TGFBRAP1: variants seen among roughly 807,000 people sequenced by gnomAD.
The protein encoded by TGFBRAP1 is transforming growth factor beta receptor associated protein 1.
Under a neutral mutation model 83.2 loss-of-function variants are expected in TGFBRAP1, and 20 were observed. The ratio of observed to expected loss-of-function variants is 0.24; its 90% CI spans 0.17 to 0.35. The LOEUF (loss-of-function observed/expected upper bound fraction) is 0.35, where lower values mean the gene tolerates loss of function less well. Among genes scored for constraint, TGFBRAP1 ranks in the 10% least tolerant of loss-of-function variants. TGFBRAP1 has a pLI of 1.00. For missense variants in TGFBRAP1, 950 were observed against 1,099.4 expected (o/e 0.86, Z 1.92); for synonymous variants, 415 against 459.8 (o/e 0.90, Z 1.25).
chr2:105,282,150 G>A (rs1252876578), intron 5 of TGFBRAP1, among the ~76,000 whole-genome samples: 2 of 152,214 alleles, frequency 1.3e-5, no homozygotes, highest in Non-Finnish European at 2.9e-5. Flanking sequence ...CTGTGCTGCA[G>A]GAAAGGCACA....
At chr2:105,275,909 A>G (rs886401684) in intron 7 of TGFBRAP1, among the ~76,000 whole-genome samples, 9 of 150,756 alleles carry the variant, frequency 6.0e-5, no homozygotes, top group African/African-American at 1.9e-4. Context: ...CCAAGAAATA[A>G]AAAAAAAAAT....
At chr2:105,294,310 GTGT>G (rs1421807336) in intron 4 of TGFBRAP1, among the ~76,000 whole-genome samples, 9 of 104,524 alleles carry the variant, frequency 8.6e-5, no homozygotes, top group Admixed American at 1.1e-4. Flanking sequence ...GAGTGAGGGT[GTGT>G]GTGTGTGTGT....
At chr2:105,270,985 G>A (rs1469219811) in intron 10 of TGFBRAP1, among the ~76,000 whole-genome samples, 1 of 152,238 alleles carries the variant, frequency 6.6e-6, no homozygotes, top group East Asian at 1.9e-4. Flanking sequence ...CAAAATCAGT[G>A]TTTGGATTTC....
Position 105,290,616 on chromosome 2 carries a change from AGTGTGTGTGT to A in TGFBRAP1, c.1038+5730_1038+5739del, listed in dbSNP as rs3060065. Among the ~76,000 whole-genome samples the A allele has an allele frequency of 1.4e-4, 19 of 140,096 alleles. 1 individual carries two copies. The South Asian group carries it at 1.5e-3, about 11-fold the overall frequency. The allele number at this position is 140,096 out of a possible 152,430, so 91.9% of individuals were successfully genotyped here. A position where few individuals can be genotyped will look rare whatever the true frequency, so the allele number is the denominator to read the frequency against. The stretch of plus-strand genomic sequence containing the variant: ...GAGAGAAAGAGAGAAACAGAGAGAC[AGTGTGTGTGT>A]GTGTGTGTGTGTGTGTGTGTGTGTG... On this transcript the variant is annotated intron_variant, in intron 4 of 11. Transcript: ENST00000393359.
intron 4 of TGFBRAP1, among the ~76,000 whole-genome samples, chr2:105,294,822 A>G (rs1678027649): frequency 6.6e-6 from 1 of 152,234 alleles, no homozygotes; most frequent in African/African-American, 2.4e-5. Context: ...AAGCCTCTGT[A>G]AGAAAATGCT....
At chr2:105,295,767 C>T (rs1443977992) in intron 4 of TGFBRAP1, among the ~76,000 whole-genome samples, 1 of 141,230 alleles carries the variant, frequency 7.1e-6, no homozygotes, top group Non-Finnish European at 1.5e-5. Context: ...GCCGAGATCG[C>T]GTCACTGCAC....
chr2:105,296,236 A>G, intron 4 of TGFBRAP1, 120 bp downstream of exon 4: 1 of 1,219,948 alleles, frequency 8.2e-7, no homozygotes, highest in Non-Finnish European at 1.1e-6. Context: ...ATTAAACAAC[A>G]GATATAAAAG....
At chr2:105,260,899 G>A (rs1268069877), downstream of TGFBRAP1, among the ~76,000 whole-genome samples, 3 of 152,118 alleles carry the variant, frequency 2.0e-5, no homozygotes, top group Non-Finnish European at 4.4e-5. Flanking sequence ...TTCTGACTAT[G>A]TTTACTCATA....
the TGFBRAP1 span, among the ~76,000 whole-genome samples, chr2:105,252,985 A>C: frequency 1.3e-5 from 2 of 151,826 alleles, no homozygotes; most frequent in African/African-American, 4.8e-5. Context: ...CGATCTCCTG[A>C]CCTCGTGATC....
intron 2 of TGFBRAP1, among the ~76,000 whole-genome samples, chr2:105,302,411 A>G (rs946280718): frequency 6.6e-6 from 1 of 152,202 alleles, no homozygotes; most frequent in Non-Finnish European, 1.5e-5. Context: ...AAAGACTGAA[A>G]AAGACCCCAA....
In TGFBRAP1 at chr2:105,273,026, A is replaced by G; in HGVS notation, c.1813-12T>C. 2 of 1,607,012 alleles carry G rather than the reference A, an allele frequency of 1.2e-6. No homozygotes were observed. The highest frequency in any genetic ancestry group is 1.7e-6 in the Non-Finnish European group (2 of 1,177,370). The stretch of plus-strand genomic sequence containing the variant: ...TGATACTCTTCTTTCTGCAGGAAAC[A>G]GGGGGAGCCAAGCAGACAGACAGTG... On this transcript the variant is annotated splice_polypyrimidine_tract_variant and intron_variant, in intron 9 of 11. Transcript: ENST00000393359.
the TGFBRAP1 span, among the ~76,000 whole-genome samples, chr2:105,251,945 G>A: frequency 1.3e-5 from 2 of 149,456 alleles, no homozygotes; most frequent in Non-Finnish European, 3.0e-5. Flanking sequence ...CTTGAAGGCA[G>A]CATGCTCGTT....
rs1217644430 is a variant in TGFBRAP1 at position 105,316,478 on chromosome 2, C to A, written c.-17-8160G>T. ...GTGTGTGTGTGCGCGCGCGCGCGCG[C>A]GCACGCGCACATAACTCAAAAAGCA... On this transcript the variant is annotated intron_variant, in intron 1 of 11. Transcript: ENST00000393359. Among the ~76,000 whole-genome samples the A allele has an allele frequency of 1.4e-4, 9 of 64,864 alleles. No individual in the cohort carries two copies. In the East Asian group the frequency reaches 2.1e-3, roughly 15 times the overall value. The allele number at this position is 64,864 out of a possible 152,430, so 42.6% of individuals were successfully genotyped here.
intron 2 of TGFBRAP1, among the ~76,000 whole-genome samples, chr2:105,303,693 A>T (rs1370590035): frequency 6.6e-6 from 1 of 152,218 alleles, no homozygotes; most frequent in Admixed American, 6.5e-5. Flanking sequence ...TTACAGAGCG[A>T]TGAAGGCATT....
the TGFBRAP1 span, among the ~76,000 whole-genome samples, chr2:105,258,968 C>G: frequency 7.9e-5 from 12 of 152,312 alleles, no homozygotes; most frequent in South Asian, 2.5e-3. Context: ...AAATCGAGCA[C>G]AGATGGGAAA....
Position 105,272,996 on chromosome 2 carries a change from G to A in TGFBRAP1, c.1831C>T (p.His611Tyr). 1.2e-6 allele frequency: 2 copies of A among 1,612,420 alleles called. No individual in the cohort carries two copies. Among genetic ancestry groups the A allele is most frequent in the Non-Finnish European group, 1.7e-6 (2 of 1,179,686 alleles). Residue 611 changes from histidine to tyrosine, a missense_variant, in exon 10 of 12, where the codon CAC becomes TAC. Transcript: ENST00000393359. ...TCTTCCAGGTACAGCACAGCTAAGT[G>A]GGTGTGATACTCTTCTTTCTGCAGG... ...KRLQKEEYHTHLAVLYLEEVL... is the reference protein window; with the variant it reads ...KRLQKEEYHTYLAVLYLEEVL...
intron 2 of TGFBRAP1, among the ~76,000 whole-genome samples, chr2:105,306,623 C>T (rs62154720): frequency 0.091 from 13,860 of 151,888 alleles, 794 homozygotes; most frequent in Non-Finnish European, 0.13. Flanking sequence ...CATGGTGAAA[C>T]CCCATCTCTA....
chr2:105,268,852 C>T (rs17030723), intron 11 of TGFBRAP1, among the ~76,000 whole-genome samples: 3 of 152,122 alleles, frequency 2.0e-5, no homozygotes, highest in Non-Finnish European at 4.4e-5. Flanking sequence ...CCTGAGCATG[C>T]GACTGCTCTC....
the TGFBRAP1 span, among the ~76,000 whole-genome samples, chr2:105,257,774 T>G: frequency 6.6e-6 from 1 of 152,248 alleles, no homozygotes; most frequent in African/African-American, 2.4e-5. Flanking sequence ...AAAAGTCATC[T>G]GCTTATTGCC....
Sources: allele counts gnomAD v4.1 joint callset (sites outside exome capture counted in the v4.1 genomes callset), GRCh38; gene constraint gnomAD v4.1.1; transcripts MANE v1.5; gene names NCBI Gene and HGNC (gene_info 2026-07-23, HGNC 2026-07-21).